Variants in KIAA1328 observed in about 807,000 individuals in gnomAD.
KIAA1328 encodes protein hinderin.
In KIAA1328, 52 loss-of-function variants were observed where a neutral mutation model predicts 68.1. The observed-to-expected ratio is 0.76, with a 90% CI of 0.61 to 0.96. The LOEUF is 0.96. KIAA1328 is among the 40% of genes least tolerant of loss of function. The probability of loss-of-function intolerance (pLI) is 0.00; values close to 1 mark genes in which losing one functional copy is unlikely to be tolerated. For missense variants in KIAA1328, 641 were observed against 677.6 expected (o/e 0.95, Z 0.60); for synonymous variants, 232 against 239.4 (o/e 0.97, Z 0.28).
intron 6 of KIAA1328, among the ~76,000 whole-genome samples, chr18:37,051,112 TGTCTC>T (rs2055674970): frequency 6.6e-6 from 1 of 152,176 alleles, no homozygotes; most frequent in South Asian, 2.1e-4. Context: ...TGTTCCATGA[TGTCTC>T]GTCATTTTTA....
chr18:37,089,862 A>G (rs1394442401), intron 7 of KIAA1328, among the ~76,000 whole-genome samples: 2 of 152,244 alleles, frequency 1.3e-5, no homozygotes, highest in Non-Finnish European at 2.9e-5. Flanking sequence ...ATAAATTAGC[A>G]TCAAACAAAC....
intron 5 of KIAA1328, among the ~76,000 whole-genome samples, chr18:36,903,859 A>G (rs1440345686): frequency 3.9e-5 from 6 of 152,152 alleles, no homozygotes; most frequent in African/African-American, 1.4e-4. Flanking sequence ...TGCTATTACA[A>G]GCATAGTCTA....
At chr18:37,195,071 A>G (rs972949296) in intron 9 of KIAA1328, among the ~76,000 whole-genome samples, 6 of 152,216 alleles carry the variant, frequency 3.9e-5, no homozygotes, top group Non-Finnish European at 8.8e-5. Flanking sequence ...TGGGATATCC[A>G]TTACCTCAAA....
chr18:37,031,127 G>A (rs1051287606), intron 6 of KIAA1328, among the ~76,000 whole-genome samples: 8 of 152,210 alleles, frequency 5.3e-5, no homozygotes, highest in Non-Finnish European at 8.8e-5. Context: ...ATTGTGAATA[G>A]TGCCGCAATA....
intron 5 of KIAA1328, among the ~76,000 whole-genome samples, chr18:36,953,419 TAGAG>T (rs1324449948): frequency 2.9e-5 from 4 of 138,064 alleles, no homozygotes; most frequent in South Asian, 2.3e-4. Context: ...GATAGATAGA[TAGAG>T]ATAGATAGAT....
intron 5 of KIAA1328, among the ~76,000 whole-genome samples, chr18:36,911,256 A>G (rs1262757531): frequency 6.6e-6 from 1 of 152,168 alleles, no homozygotes; most frequent in East Asian, 1.9e-4. Flanking sequence ...GAATCACCTT[A>G]CAGTGATTCC....
intron 7 of KIAA1328, among the ~76,000 whole-genome samples, chr18:37,088,572 A>T (rs1350344176): frequency 2.6e-5 from 4 of 151,788 alleles, no homozygotes; most frequent in East Asian, 1.9e-4. Context: ...TTTTAATTTA[A>T]TTTTTTTATT....
intron 6 of KIAA1328, among the ~76,000 whole-genome samples, chr18:36,976,250 C>T (rs1028007500): frequency 2.6e-5 from 4 of 152,006 alleles, no homozygotes; most frequent in Admixed American, 1.3e-4. Context: ...GAAATTAATG[C>T]CTGGATATAA....
intron 7 of KIAA1328, among the ~76,000 whole-genome samples, chr18:37,073,912 T>C (rs1409357662): frequency 2.0e-5 from 3 of 152,212 alleles, no homozygotes; most frequent in Non-Finnish European, 4.4e-5. Context: ...GAGATTATCT[T>C]CATTTGTGGC....
chr18:37,161,319 C>T (rs900727512), intron 8 of KIAA1328, among the ~76,000 whole-genome samples: 3 of 152,144 alleles, frequency 2.0e-5, no homozygotes, highest in Non-Finnish European at 1.5e-5. Context: ...CTCCCTGCCT[C>T]TCTTCATCTG....
intron 5 of KIAA1328, among the ~76,000 whole-genome samples, chr18:36,930,598 A>T (rs1007574981): frequency 6.6e-6 from 1 of 152,096 alleles, no homozygotes; most frequent in Admixed American, 6.5e-5. Context: ...ACATGAATGG[A>T]TAGGAGTATA....
intron 4 of KIAA1328, among the ~76,000 whole-genome samples, chr18:36,853,511 T>C (rs1043304037): frequency 3.3e-5 from 5 of 152,114 alleles, no homozygotes; most frequent in Admixed American, 2.0e-4. Context: ...ACAGTTAACA[T>C]AGTAAATTTG....
intron 6 of KIAA1328, among the ~76,000 whole-genome samples, chr18:37,047,771 TC>T (rs2055533294): frequency 1.3e-5 from 2 of 152,144 alleles, no homozygotes; most frequent in South Asian, 4.1e-4. Flanking sequence ...AAAATGGTTT[TC>T]CCCTTTTGCC....
At chr18:37,012,029 A>T (rs2053996884) in intron 6 of KIAA1328, among the ~76,000 whole-genome samples, 1 of 152,218 alleles carries the variant, frequency 6.6e-6, no homozygotes. Flanking sequence ...TGGGAAATAG[A>T]AACTACCTTT....
intron 8 of KIAA1328, among the ~76,000 whole-genome samples, chr18:37,163,286 C>T (rs1372853440): frequency 2.0e-5 from 3 of 152,204 alleles, no homozygotes; most frequent in Non-Finnish European, 1.5e-5. Context: ...GTTTTCAGAA[C>T]TGAAATGTTA....
At chr18:36,830,215 T>C (rs1006818374) in intron 1 of KIAA1328, among the ~76,000 whole-genome samples, 3 of 152,074 alleles carry the variant, frequency 2.0e-5, no homozygotes, top group African/African-American at 7.3e-5. Context: ...CTAGGATTAG[T>C]GTCATGTGTA....
intron 5 of KIAA1328, among the ~76,000 whole-genome samples, chr18:36,915,272 C>T (rs2049643013): frequency 6.6e-6 from 1 of 151,912 alleles, no homozygotes; most frequent in East Asian, 1.9e-4. Context: ...GCAGTGGTGA[C>T]CTGGCTTATG....
At chr18:37,202,964 T>C (rs2154219539) in intron 9 of KIAA1328, among the ~76,000 whole-genome samples, 1 of 152,000 alleles carries the variant, frequency 6.6e-6, no homozygotes, top group East Asian at 1.9e-4. Context: ...ACCTTTACTC[T>C]TGGACAGAGA....
chr18:37,161,381 G>A (rs2059276125), intron 8 of KIAA1328, among the ~76,000 whole-genome samples: 1 of 152,132 alleles, frequency 6.6e-6, no homozygotes, highest in African/African-American at 2.4e-5. Context: ...TCTAGAAATT[G>A]TTTAATCCTC....
Sources: allele counts gnomAD v4.1 joint callset (sites outside exome capture counted in the v4.1 genomes callset), GRCh38; gene constraint gnomAD v4.1.1; transcripts MANE v1.5; gene names NCBI Gene and HGNC (gene_info 2026-07-23, HGNC 2026-07-21).